SLC44A5: variants seen among roughly 807,000 people sequenced by gnomAD.
SLC44A5 encodes choline transporter-like protein 5.
In SLC44A5, 57 loss-of-function variants were observed where a neutral mutation model predicts 101.8. The observed-to-expected ratio is 0.56, with a 90% confidence interval of 0.45 to 0.70. SLC44A5 has a LOEUF of 0.70. SLC44A5 is among the 30% of genes least tolerant of loss of function. SLC44A5 has a pLI of 0.00. For missense variants in SLC44A5, 737 were observed against 853.1 expected, an observed-to-expected ratio of 0.86 and a Z score of 1.70; for synonymous variants, 281 against 290.9, an observed-to-expected ratio of 0.97 and a Z score of 0.35.
chr1:75,631,725 C>T, the SLC44A5 span, among the ~76,000 whole-genome samples: 8 of 151,360 alleles, frequency 5.3e-5, no homozygotes, highest in African/African-American at 1.9e-4. Context: ...TTAGTAGAGA[C>T]GGCGTTTCAC....
chr1:75,583,861 TA>T (rs1368151059), intron 1 of SLC44A5, among the ~76,000 whole-genome samples: 2 of 152,118 alleles, frequency 1.3e-5, no homozygotes, highest in Admixed American at 6.5e-5. Flanking sequence ...CCCTTCCCTC[TA>T]AAAAAAGTCT....
Position 75,464,221 on chromosome 1 carries a change from C to CAA in SLC44A5, c.14-67602_14-67601dup, listed in dbSNP as rs57630961. Among the ~76,000 whole-genome samples the CAA allele has an allele frequency of 7.4e-3, 377 of 51,212 alleles. 3 individuals are homozygous for CAA. The highest frequency in any genetic ancestry group is 0.021 in the East Asian group (40 of 1,914). 33.6% of individuals were successfully genotyped at this position (51,212 alleles called of 152,430 possible). ...TGGGCGACAGAGTGAGACTCTGTCT[C>CAA]AAAAAAAAAAAAAAAAAAAAAAGCA... On this transcript the variant is annotated intron_variant, in intron 2 of 23. Transcript: ENST00000370859.
intron 7 of SLC44A5, among the ~76,000 whole-genome samples, chr1:75,250,908 C>T (rs1461113856): frequency 2.6e-5 from 4 of 152,094 alleles, no homozygotes; most frequent in Non-Finnish European, 5.9e-5. Flanking sequence ...TTTCCTAATA[C>T]AATGTTGATC....
At chr1:75,407,795 G>A (rs1662978435) in intron 2 of SLC44A5, among the ~76,000 whole-genome samples, 1 of 152,144 alleles carries the variant, frequency 6.6e-6, no homozygotes, top group Admixed American at 6.5e-5. Context: ...CAGGACATAG[G>A]CATGGGCAAA....
At chr1:75,390,196 C>A (rs879855128) in intron 3 of SLC44A5, among the ~76,000 whole-genome samples, 1 of 151,970 alleles carries the variant, frequency 6.6e-6, no homozygotes, top group Non-Finnish European at 1.5e-5. Flanking sequence ...AGCCCTGTAG[C>A]AGACAAACTC....
chr1:75,300,195 G>A (rs945565358), intron 5 of SLC44A5, among the ~76,000 whole-genome samples: 1 of 152,006 alleles, frequency 6.6e-6, no homozygotes, highest in African/African-American at 2.4e-5. Flanking sequence ...GGTGAAATTC[G>A]TAATAATTGT....
At chr1:75,455,524 T>C (rs1174447575) in intron 2 of SLC44A5, among the ~76,000 whole-genome samples, 2 of 152,052 alleles carry the variant, frequency 1.3e-5, no homozygotes, top group Non-Finnish European at 2.9e-5. Flanking sequence ...TGAGAACTAA[T>C]TAAACTAAAG....
chr1:75,664,730 G>A, the SLC44A5 span, among the ~76,000 whole-genome samples: 1 of 151,918 alleles, frequency 6.6e-6, no homozygotes, highest in Non-Finnish European at 1.5e-5. Context: ...GACTATCCTG[G>A]CTAACGTGGT....
chr1:75,491,861 G>A (rs1304422118), intron 2 of SLC44A5, among the ~76,000 whole-genome samples: 2 of 152,088 alleles, frequency 1.3e-5, no homozygotes, highest in Non-Finnish European at 2.9e-5. Flanking sequence ...TTAGAAAGAG[G>A]GACTTGATTT....
At chr1:75,623,277 G>T in the SLC44A5 span, among the ~76,000 whole-genome samples, 1 of 152,060 alleles carries the variant, frequency 6.6e-6, no homozygotes, top group Non-Finnish European at 1.5e-5. Flanking sequence ...GATTGAGAGT[G>T]TCAAGGAAGA....
the SLC44A5 span, among the ~76,000 whole-genome samples, chr1:75,722,822 G>C: frequency 6.6e-6 from 1 of 152,168 alleles, no homozygotes; most frequent in African/African-American, 2.4e-5. Context: ...CTGCTGTAAC[G>C]ATGGTCTCAA....
intron 4 of SLC44A5, among the ~76,000 whole-genome samples, chr1:75,312,305 G>T (rs924195733): frequency 6.6e-6 from 1 of 152,104 alleles, no homozygotes; most frequent in Non-Finnish European, 1.5e-5. Flanking sequence ...TTAATAGCAT[G>T]AGAACAGACT....
the SLC44A5 span, among the ~76,000 whole-genome samples, chr1:75,649,151 T>A: frequency 1.3e-5 from 2 of 152,144 alleles, no homozygotes; most frequent in African/African-American, 4.8e-5. Flanking sequence ...TGACTGTTGA[T>A]TAACGACACA....
intron 1 of SLC44A5, among the ~76,000 whole-genome samples, chr1:75,545,921 G>A (rs913148660): frequency 2.7e-5 from 4 of 150,926 alleles, no homozygotes; most frequent in East Asian, 2.0e-4. Flanking sequence ...CAACCTCCTC[G>A]GCTCAAGTGA....
intron 1 of SLC44A5, among the ~76,000 whole-genome samples, chr1:75,567,724 G>A (rs1672864452): frequency 6.6e-6 from 1 of 152,128 alleles, no homozygotes; most frequent in Non-Finnish European, 1.5e-5. Context: ...GAAAAAGCAA[G>A]TAATATGCTA....
At chr1:75,296,639 C>T (rs1483070586) in intron 5 of SLC44A5, among the ~76,000 whole-genome samples, 3 of 152,036 alleles carry the variant, frequency 2.0e-5, no homozygotes, top group African/African-American at 7.2e-5. Context: ...CACTACATAG[C>T]GAGGTGCCCT....
At chr1:75,371,696 T>C (rs902340420) in intron 3 of SLC44A5, among the ~76,000 whole-genome samples, 9 of 152,204 alleles carry the variant, frequency 5.9e-5, no homozygotes, top group Admixed American at 2.0e-4. Flanking sequence ...GATATATTCA[T>C]TTGTATTACT....
intron 3 of SLC44A5, among the ~76,000 whole-genome samples, chr1:75,383,442 G>T (rs1661046727): frequency 6.6e-6 from 1 of 151,792 alleles, no homozygotes; most frequent in Admixed American, 6.6e-5. Flanking sequence ...GGTGTGTAGG[G>T]GCAACCCACC....
intron 4 of SLC44A5, among the ~76,000 whole-genome samples, chr1:75,315,262 C>T (rs887817350): frequency 7.2e-5 from 11 of 152,070 alleles, no homozygotes; most frequent in South Asian, 2.1e-4. Flanking sequence ...ATTATTTATA[C>T]ATCTATATAC....
Sources: allele counts gnomAD v4.1 joint callset (sites outside exome capture counted in the v4.1 genomes callset), GRCh38; gene constraint gnomAD v4.1.1; transcripts MANE v1.5; gene names NCBI Gene and HGNC (gene_info 2026-07-23, HGNC 2026-07-21).